TCP11L2: variants seen among roughly 807,000 people sequenced by gnomAD.
TCP11L2 encodes T-complex protein 11-like protein 2.
Under a neutral mutation model 50.7 loss-of-function variants are expected in TCP11L2, and 39 were observed. The observed-to-expected ratio is 0.77, with a 90% CI of 0.60 to 1.01. TCP11L2 has a LOEUF of 1.01. TCP11L2 is among the 50% of genes least tolerant of loss of function. TCP11L2 has a pLI of 0.00. For synonymous variants in TCP11L2, 192 were observed against 219.3 expected, an observed-to-expected ratio of 0.88 and a Z score of 1.10; for missense variants, 612 against 614.7, an observed-to-expected ratio of 1.00 and a Z score of 0.05.
At chr12:106,310,552 C>T (rs2034813905) in intron 1 of TCP11L2, among the ~76,000 whole-genome samples, 1 of 152,194 alleles carries the variant, frequency 6.6e-6, no homozygotes, top group Admixed American at 6.5e-5. Flanking sequence ...GTGCCAAGCT[C>T]TTTAAGATGA....
At chr12:106,328,903 T>A (rs1263280177) in intron 6 of TCP11L2, among the ~76,000 whole-genome samples, 1 of 152,102 alleles carries the variant, frequency 6.6e-6, no homozygotes, top group East Asian at 1.9e-4. Context: ...CTCTCACCAC[T>A]CAGATCCCGG....
At chr12:106,301,694 C>A (rs2034420361), upstream of TCP11L2, among the ~76,000 whole-genome samples, 1 of 152,148 alleles carries the variant, frequency 6.6e-6, no homozygotes, top group African/African-American at 2.4e-5. Context: ...GAAACTATTT[C>A]CCAAGTAATA....
At chr12:106,304,699 G>A (rs1565834280) in intron 1 of TCP11L2, among the ~76,000 whole-genome samples, 1 of 152,122 alleles carries the variant, frequency 6.6e-6, no homozygotes, top group Non-Finnish European at 1.5e-5. Context: ...TCTTTTTTGC[G>A]TGAGCTAACC....
intron 6 of TCP11L2, among the ~76,000 whole-genome samples, chr12:106,327,386 G>A (rs976085403): frequency 6.6e-6 from 1 of 152,060 alleles, no homozygotes; most frequent in Non-Finnish European, 1.5e-5. Context: ...TTGTAGAGAC[G>A]GGGGTCTGTG....
In TCP11L2 at chr12:106,308,020, C is replaced by T. The variant is rs186001241; in HGVS notation, c.-35-3021C>T. The stretch of plus-strand genomic sequence containing the variant: ...GCATTTTGGCTTCAAATACAGGTTT[C>T]TGTTTGGATACACTAAGGCCCAGTT... On this transcript the variant is annotated intron_variant, in intron 1 of 9. Transcript: ENST00000299045. Among the ~76,000 whole-genome samples the T allele has an allele frequency of 1.0e-3, 159 of 152,268 alleles. 4 individuals are homozygous for T. In the East Asian group the frequency reaches 0.017, roughly 17 times the overall value.
intron 9 of TCP11L2, among the ~76,000 whole-genome samples, chr12:106,342,255 A>G (rs370216790): frequency 6.6e-6 from 1 of 152,284 alleles, no homozygotes; most frequent in African/African-American, 2.4e-5. Context: ...ATCCCTGGGG[A>G]CATGGAATGC....
intron 6 of TCP11L2, 102 bp downstream of exon 6, chr12:106,323,748 A>AAATTAATAAAT (rs1565850300): frequency 3.6e-4 from 104 of 285,898 alleles, no homozygotes; most frequent in Non-Finnish European, 5.0e-4. Context: ...TTAAATTAAT[A>AAATTAATAAAT]AATAAATAAA....
At chr12:106,328,007 CAGAA>C (rs1463508574) in intron 6 of TCP11L2, among the ~76,000 whole-genome samples, 2 of 152,102 alleles carry the variant, frequency 1.3e-5, no homozygotes, top group African/African-American at 4.8e-5. Flanking sequence ...TTAAGATACC[CAGAA>C]AGAAAGGCTT....
chr12:106,309,974 T>C (rs2034787871), intron 1 of TCP11L2, among the ~76,000 whole-genome samples: 1 of 152,190 alleles, frequency 6.6e-6, no homozygotes, highest in Non-Finnish European at 1.5e-5. Context: ...CTCTCATTAT[T>C]GTCCATCCAG....
rs773756662 is a variant in TCP11L2, at chr12:106,314,437, TG to T, written c.238del (p.Glu80ArgfsTer4). 10 of 1,607,588 alleles carry T rather than the reference TG, an allele frequency of 6.2e-6. No homozygotes were observed. The highest frequency in any genetic ancestry group is 8.5e-6 in the Non-Finnish European group (10 of 1,174,474). ...ACTTATCAAACTTGACTCTTGCTCA[TG>T]AGATTGCTGTAAATGAGAACTTTCA... ...RNLSNLTLAH[E>X]IAVNENFQLK... On this transcript the variant is annotated frameshift_variant, in exon 3 of 10. Transcript: ENST00000299045. LOFTEE classifies it high-confidence loss of function.
intron 2 of TCP11L2, 32 bp from the exon 3 acceptor site, chr12:106,314,326 G>T (rs369928637): frequency 5.6e-5 from 89 of 1,588,538 alleles, no homozygotes; most frequent in Non-Finnish European, 7.4e-5. Flanking sequence ...CTTTTCTTCT[G>T]CAACATTAAC....
chr12:106,323,445 T>C, intron 5 of TCP11L2, 65 bp from the exon 6 acceptor site: 1 of 1,402,086 alleles, frequency 7.1e-7, no homozygotes, highest in Non-Finnish European at 9.7e-7. Context: ...GGAACATAGA[T>C]CATTGTTAGT....
At chr12:106,323,389 A>T in intron 5 of TCP11L2, 121 bp from the exon 6 acceptor site, 1 of 820,166 alleles carries the variant, frequency 1.2e-6, no homozygotes, top group South Asian at 2.6e-5. Context: ...CCAAATGGCA[A>T]TTGGAACTTT....
chr12:106,329,013 C>T (rs1036739625), intron 6 of TCP11L2, among the ~76,000 whole-genome samples: 1 of 151,842 alleles, frequency 6.6e-6, no homozygotes, highest in African/African-American at 2.4e-5. Context: ...AACATGGAAC[C>T]AGAGGAAATG....
At chr12:106,314,144 A>T (rs2034973450) in intron 2 of TCP11L2, among the ~76,000 whole-genome samples, 1 of 152,204 alleles carries the variant, frequency 6.6e-6, no homozygotes, top group Admixed American at 6.5e-5. Flanking sequence ...AGACAATGTT[A>T]TCAAATATGG....
At chr12:106,316,048 T>G (rs1460894303) in intron 3 of TCP11L2, among the ~76,000 whole-genome samples, 1 of 152,238 alleles carries the variant, frequency 6.6e-6, no homozygotes, top group African/African-American at 2.4e-5. Context: ...GTTGTTCATT[T>G]AATATTAACA....
chr12:106,314,282 C>A, intron 2 of TCP11L2, 76 bp from the exon 3 acceptor site: 1 of 1,480,696 alleles, frequency 6.8e-7, no homozygotes. Flanking sequence ...TAAATTAAAC[C>A]TTATCTGCAT....
chr12:106,343,491 G>T (rs1333763970), intron 9 of TCP11L2, among the ~76,000 whole-genome samples: 19 of 152,214 alleles, frequency 1.2e-4, no homozygotes, highest in Non-Finnish European at 2.9e-5. Flanking sequence ...GCTTTCTTTT[G>T]TTCTCAGTTG....
intron 9 of TCP11L2, among the ~76,000 whole-genome samples, chr12:106,343,797 C>T (rs1329972045): frequency 6.6e-6 from 1 of 151,642 alleles, no homozygotes; most frequent in Non-Finnish European, 1.5e-5. Context: ...GCTGGGACTA[C>T]AGGTGCGGAC....
Sources: gnomAD v4.1 joint callset for allele counts (sites outside exome capture counted in the v4.1 genomes callset) on GRCh38, gnomAD v4.1.1 for gene constraint, MANE v1.5 for transcripts, NCBI Gene and HGNC (gene_info 2026-07-23, HGNC 2026-07-21) for gene names.